CNTNAP2: variants seen among roughly 807,000 people sequenced by gnomAD.
CNTNAP2 encodes the protein contactin-associated protein-like 2.
Under a neutral mutation model 155.2 loss-of-function variants are expected in CNTNAP2, and 98 were observed. That is an observed-to-expected ratio of 0.63 (90% confidence interval 0.54 to 0.75). The LOEUF is 0.75. Ranked by LOEUF, CNTNAP2 falls within the 30% of genes least tolerant of loss-of-function variation. The pLI is 0.00. For synonymous variants in CNTNAP2, 651 were observed against 631.2 expected, an observed-to-expected ratio of 1.03 and a Z score of -0.47; for missense variants, 1,727 against 1,688.1, an observed-to-expected ratio of 1.02 and a Z score of -0.40.
chr7:147,524,036 C>T (rs529338061), intron 11 of CNTNAP2, among the ~76,000 whole-genome samples: 3 of 152,280 alleles, frequency 2.0e-5, no homozygotes, highest in South Asian at 4.1e-4. Context: ...CAGATGACTT[C>T]GGAATGTGTG....
At chr7:146,992,694 A>G (rs1798231833) in intron 3 of CNTNAP2, among the ~76,000 whole-genome samples, 1 of 151,882 alleles carries the variant, frequency 6.6e-6, no homozygotes, top group African/African-American at 2.4e-5. Context: ...AAGAAAAAGT[A>G]GTCATACTAA....
intron 1 of CNTNAP2, among the ~76,000 whole-genome samples, chr7:146,317,699 A>G (rs1167214019): frequency 6.6e-6 from 1 of 152,230 alleles, no homozygotes; most frequent in Admixed American, 6.5e-5. Flanking sequence ...AAAGCATGCT[A>G]TGCAATTACT....
chr7:147,818,095 A>G (rs920518355), intron 13 of CNTNAP2, among the ~76,000 whole-genome samples: 12 of 152,040 alleles, frequency 7.9e-5, no homozygotes, highest in Admixed American at 6.6e-4. Context: ...ATAACTGTAT[A>G]TCTTAAAACC....
At chr7:146,909,272 A>G (rs1166800122) in intron 3 of CNTNAP2, among the ~76,000 whole-genome samples, 1 of 139,562 alleles carries the variant, frequency 7.2e-6, no homozygotes, top group Non-Finnish European at 1.6e-5. Context: ...CAATCAATAG[A>G]AAAAGAGGGA....
chr7:148,413,090 T>G (rs994985620), intron 23 of CNTNAP2, among the ~76,000 whole-genome samples: 2 of 151,988 alleles, frequency 1.3e-5, no homozygotes, highest in African/African-American at 4.8e-5. Flanking sequence ...TTGCTAAAAT[T>G]CTATTTAAAA....
At chr7:146,898,421 A>G (rs1415333965) in intron 3 of CNTNAP2, among the ~76,000 whole-genome samples, 1 of 152,032 alleles carries the variant, frequency 6.6e-6, no homozygotes, top group Admixed American at 6.6e-5. Context: ...TTTTCTGAAC[A>G]TTTGCTTTCC....
chr7:147,139,355 T>C (rs556840649), intron 8 of CNTNAP2, among the ~76,000 whole-genome samples: 1 of 152,234 alleles, frequency 6.6e-6, no homozygotes, highest in South Asian at 2.1e-4. Context: ...CTAAGTCAAC[T>C]TTAGATGTTT....
At chr7:147,275,275 A>C (rs1198845107) in intron 8 of CNTNAP2, among the ~76,000 whole-genome samples, 1 of 151,978 alleles carries the variant, frequency 6.6e-6, no homozygotes, top group East Asian at 1.9e-4. Context: ...AACAATATTG[A>C]TTCTTCCAAT....
chr7:147,209,923 A>C (rs1803109843), intron 8 of CNTNAP2, among the ~76,000 whole-genome samples: 1 of 152,034 alleles, frequency 6.6e-6, no homozygotes, highest in African/African-American at 2.4e-5. Context: ...CTTGCATTTC[A>C]GGAATAAAGC....
At chr7:148,065,136 C>A (rs1457867474) in intron 15 of CNTNAP2, among the ~76,000 whole-genome samples, 1 of 152,098 alleles carries the variant, frequency 6.6e-6, no homozygotes, top group Non-Finnish European at 1.5e-5. Context: ...CAATTTTATT[C>A]CACTGTAGTC....
chr7:147,836,578 C>T (rs769958699), intron 13 of CNTNAP2, among the ~76,000 whole-genome samples: 1 of 152,184 alleles, frequency 6.6e-6, no homozygotes, highest in Non-Finnish European at 1.5e-5. Flanking sequence ...TCTCCTAACA[C>T]CCTTTCCCTC....
chr7:148,058,222 T>C (rs1335877314), intron 15 of CNTNAP2, among the ~76,000 whole-genome samples: 1 of 152,050 alleles, frequency 6.6e-6, no homozygotes, highest in East Asian at 1.9e-4. Context: ...TCATGCCTCA[T>C]CACAAGTAGC....
At chr7:148,234,567 T>C (rs1331826224) in intron 20 of CNTNAP2, among the ~76,000 whole-genome samples, 1 of 152,194 alleles carries the variant, frequency 6.6e-6, no homozygotes, top group Non-Finnish European at 1.5e-5. Flanking sequence ...CAGCAGCATT[T>C]CTGCAAATGT....
At chr7:146,807,800 T>C (rs1384837358) in intron 2 of CNTNAP2, among the ~76,000 whole-genome samples, 1 of 152,084 alleles carries the variant, frequency 6.6e-6, no homozygotes, top group Non-Finnish European at 1.5e-5. Context: ...ATATGTCTCA[T>C]GAGGTATGTT....
In CNTNAP2 at chr7:146,174,433, G is replaced by A. The variant is rs181979963; in HGVS notation, c.97+57460G>A. ...ACAGGGTTTTGCCATATTGGCCAGA[G>A]TGGTCTTGAACTCCTGATCTCAAGT... On this transcript the variant is annotated intron_variant, in intron 1 of 23. Coordinates refer to ENST00000361727, the MANE Select transcript of CNTNAP2 (RefSeq NM_014141.6). 4.9e-3 allele frequency among the ~76,000 whole-genome samples: 752 copies of A among 152,086 alleles called. 2 individuals are homozygous for A. The highest frequency in any genetic ancestry group is 8.0e-3 in the Non-Finnish European group (541 of 67,992).
chr7:147,530,717 G>A (rs747926234), intron 11 of CNTNAP2, among the ~76,000 whole-genome samples: 23 of 152,106 alleles, frequency 1.5e-4, no homozygotes, highest in South Asian at 6.2e-4. Context: ...ATATCATTCC[G>A]CCACTGACTC....
intron 1 of CNTNAP2, among the ~76,000 whole-genome samples, chr7:146,365,069 T>C (rs1453996611): frequency 1.3e-5 from 2 of 152,246 alleles, no homozygotes; most frequent in African/African-American, 4.8e-5. Flanking sequence ...TTATTTATTG[T>C]ATACTTTCAC....
chr7:147,400,843 A>G (rs1221535702), intron 10 of CNTNAP2, among the ~76,000 whole-genome samples: 1 of 152,198 alleles, frequency 6.6e-6, no homozygotes, highest in Admixed American at 6.5e-5. Flanking sequence ...TGTATGTGAA[A>G]AATATCAACT....
intron 1 of CNTNAP2, among the ~76,000 whole-genome samples, chr7:146,384,979 T>C (rs1217939427): frequency 2.0e-5 from 3 of 152,174 alleles, no homozygotes; most frequent in Non-Finnish European, 2.9e-5. Context: ...AGAAACATAG[T>C]TGGTCTTCAG....
Sources: allele counts gnomAD v4.1 joint callset (sites outside exome capture counted in the v4.1 genomes callset), GRCh38; gene constraint gnomAD v4.1.1; transcripts MANE v1.5; gene names NCBI Gene and HGNC (gene_info 2026-07-23, HGNC 2026-07-21).